The following RIN3 variants were observed in gnomAD, a reference collection of about 807,000 sequenced individuals.
The protein encoded by RIN3 is Ras and Rab interactor 3.
Under a neutral mutation model 76.3 loss-of-function variants are expected in RIN3, and 54 were observed. The ratio of observed to expected loss-of-function variants is 0.71; its 90% CI spans 0.57 to 0.89. The LOEUF (loss-of-function observed/expected upper bound fraction) is 0.89, where lower values mean the gene tolerates loss of function less well. Ranked by LOEUF, RIN3 falls within the 40% of genes least tolerant of loss-of-function variation. The pLI is 0.00. For synonymous variants in RIN3, 576 were observed against 564.0 expected (o/e 1.02, Z -0.30); for missense variants, 1,256 against 1,322.1 (o/e 0.95, Z 0.78).
At chr14:92,528,309 A>C (rs1896799707) in intron 1 of RIN3, among the ~76,000 whole-genome samples, 1 of 152,090 alleles carries the variant, frequency 6.6e-6, no homozygotes, top group South Asian at 2.1e-4. Context: ...GTGGACATTG[A>C]GTGGTAGAAC....
chr14:92,567,001 T>C (rs1897931839), intron 2 of RIN3, among the ~76,000 whole-genome samples: 1 of 152,150 alleles, frequency 6.6e-6, no homozygotes, highest in African/African-American at 2.4e-5. Context: ...GGCTAGAGGT[T>C]ATGTATTGTA....
rs997130958 is a variant in RIN3, at chr14:92,613,463, A to G, written c.368-1944A>G. 2.6e-5 allele frequency among the ~76,000 whole-genome samples: 4 copies of G among 152,338 alleles called. No individual in the cohort carries two copies. In the South Asian group the frequency reaches 8.3e-4, roughly 32 times the overall value. On this transcript the variant is annotated intron_variant, in intron 3 of 9. Transcript: ENST00000216487. ...CTATCTCCTTGCCATAGACAAATAT[A>G]ATTTTTTTAATTATGTGAACTGTTA...
At chr14:92,615,322 C>T (rs1885912949) in intron 3 of RIN3, 85 bp from the exon 4 acceptor site, 1 of 1,153,884 alleles carries the variant, frequency 8.7e-7, no homozygotes, top group Non-Finnish European at 1.3e-6. Flanking sequence ...AGACACGCCC[C>T]CCGACCCCAT....
At chr14:92,607,539 G>A (rs906875739) in intron 3 of RIN3, among the ~76,000 whole-genome samples, 4 of 152,152 alleles carry the variant, frequency 2.6e-5, no homozygotes, top group Admixed American at 2.6e-4. Flanking sequence ...AGCCTGGGAG[G>A]TTGAGGTTGC....
intron 4 of RIN3, among the ~76,000 whole-genome samples, chr14:92,619,611 TAG>T (rs1886102051): frequency 6.6e-6 from 1 of 152,040 alleles, no homozygotes; most frequent in African/African-American, 2.4e-5. Context: ...GTATTTTTAG[TAG>T]AGACGGGGTT....
intron 3 of RIN3, among the ~76,000 whole-genome samples, chr14:92,593,695 A>C (rs1382408173): frequency 6.6e-6 from 1 of 152,198 alleles, no homozygotes; most frequent in African/African-American, 2.4e-5. Context: ...TATAATAATA[A>C]TAATAATAAA....
chr14:92,652,731 A>T lies in RIN3; in HGVS notation c.1682A>T (p.Gln561Leu), dbSNP rs747648784. The change falls in exon 6 of 10, where the codon CAG (glutamine) becomes CTG (leucine). Residue 561 changes from glutamine to leucine, a missense_variant. Transcript: ENST00000216487. The surrounding 1 kb of genome is among the most constrained non-coding windows in gnomAD (Gnocchi z 6.4). ...AGCAGCACGGAGGAGGAGCTGGAGCAGTTCAGCAGCCCCAGCGTGAAGAAG... is the reference window on the plus strand; with the variant it reads ...AGCAGCACGGAGGAGGAGCTGGAGCTGTTCAGCAGCCCCAGCGTGAAGAAG... ...STSSTEEELE[Q>L]FSSPSVKKKP... 2 of 1,613,798 alleles carry T rather than the reference A, an allele frequency of 1.2e-6. No homozygotes were observed. The highest frequency in any genetic ancestry group is 4.5e-5 in the East Asian group (2 of 44,876).
chr14:92,564,102 C>A (rs1897854103), intron 2 of RIN3, among the ~76,000 whole-genome samples: 1 of 152,214 alleles, frequency 6.6e-6, no homozygotes, highest in South Asian at 2.1e-4. Flanking sequence ...CCCCAAGCAG[C>A]TGGAAAATAA....
chr14:92,515,024 G>A, intron 1 of RIN3: 1 of 476,002 alleles, frequency 2.1e-6, no homozygotes, highest in South Asian at 3.6e-5. Context: ...CAGGAGAGTT[G>A]GGCCCATCTT....
chr14:92,659,002 GCT>G (rs1254982556), intron 6 of RIN3, among the ~76,000 whole-genome samples, 157 bp from the exon 7 acceptor site: 2 of 152,152 alleles, frequency 1.3e-5, no homozygotes, highest in Non-Finnish European at 2.9e-5. Context: ...AATAAACTGT[GCT>G]CTCTCATGTG....
At chr14:92,597,136 G>A (rs1033918385) in intron 3 of RIN3, among the ~76,000 whole-genome samples, 3 of 150,156 alleles carry the variant, frequency 2.0e-5, no homozygotes, top group Non-Finnish European at 4.4e-5. Context: ...AGCATGATGT[G>A]TGTGTGGGTC....
chr14:92,560,534 G>A (rs775568220), intron 2 of RIN3, among the ~76,000 whole-genome samples: 8 of 152,164 alleles, frequency 5.3e-5, no homozygotes, highest in Non-Finnish European at 1.0e-4. Flanking sequence ...TTTCTGTCAG[G>A]TAGGCATTAG....
intron 1 of RIN3, among the ~76,000 whole-genome samples, chr14:92,525,546 G>T (rs1009187519): frequency 1.1e-4 from 16 of 152,118 alleles, no homozygotes; most frequent in African/African-American, 3.9e-4. Context: ...CAGGACAGAG[G>T]GCCTCTGGGA....
chr14:92,584,463 C>T (rs939859039), intron 3 of RIN3, among the ~76,000 whole-genome samples: 8 of 152,316 alleles, frequency 5.3e-5, no homozygotes, highest in Middle Eastern at 3.4e-3. Context: ...GCATGTGACC[C>T]ACAGGGCAGG....
At position 92,545,995 on chromosome 14, in the gene RIN3, G is replaced by A. The variant is rs182262350; in HGVS notation, c.45-9756G>A. Among the ~76,000 whole-genome samples, 5 of 151,338 alleles carry A rather than the reference G, an allele frequency of 3.3e-5. No individual in the cohort carries two copies. In the East Asian group the frequency reaches 9.7e-4, roughly 29 times the overall value. On this transcript the variant is annotated intron_variant, in intron 1 of 9. Coordinates refer to ENST00000216487, the MANE Select transcript of RIN3 (RefSeq NM_024832.5). ...GGCCGGAGTGCAGTGGCATGATCTC[G>A]GCTCACTGCAACCTCTGCTTCCCGG...
chr14:92,674,838 G>A (rs1287111202), intron 7 of RIN3, among the ~76,000 whole-genome samples: 1 of 149,340 alleles, frequency 6.7e-6, no homozygotes, highest in Non-Finnish European at 1.5e-5. Context: ...GCAGTGAGCC[G>A]AGATGGCACC....
chr14:92,588,744 G>GTGTC (rs754777221), intron 3 of RIN3, among the ~76,000 whole-genome samples: 70 of 152,184 alleles, frequency 4.6e-4, no homozygotes, highest in Non-Finnish European at 7.8e-4. Flanking sequence ...CTTTCAGGTT[G>GTGTC]TGTCTGCCTC....
chr14:92,546,046 C>A (rs1346188075), intron 1 of RIN3, among the ~76,000 whole-genome samples: 2 of 152,088 alleles, frequency 1.3e-5, no homozygotes, highest in Admixed American at 1.3e-4. Context: ...CTGCCTCAGC[C>A]TCCCTAGTAG....
intron 2 of RIN3, among the ~76,000 whole-genome samples, chr14:92,559,970 T>C (rs1341487067): frequency 1.3e-5 from 2 of 152,170 alleles, no homozygotes; most frequent in Non-Finnish European, 2.9e-5. Context: ...CTGGGACAAA[T>C]GAATGAGGAC....
Sources: gnomAD v4.1 joint callset for allele counts (sites outside exome capture counted in the v4.1 genomes callset) on GRCh38, gnomAD v4.1.1 for gene constraint, Gnocchi (gnomAD v3.1) non-coding constraint, MANE v1.5 for transcripts, NCBI Gene and HGNC (gene_info 2026-07-23, HGNC 2026-07-21) for gene names.